DNHD1: variants seen among roughly 807,000 people sequenced by gnomAD.
DNHD1 encodes the protein dynein heavy chain domain-containing protein 1.
In DNHD1, 383 loss-of-function variants were observed where a neutral mutation model predicts 458.1. The ratio of observed to expected loss-of-function variants is 0.84; its 90% CI spans 0.77 to 0.91. The LOEUF is 0.91. DNHD1 is among the 40% of genes least tolerant of loss of function. DNHD1 has a pLI of 0.00. For synonymous variants in DNHD1, 2,203 were observed against 2,376.9 expected (o/e 0.93, Z 2.13); for missense variants, 5,336 against 5,866.1 (o/e 0.91, Z 2.95).
chr11:6,513,906 C>T (rs531765067), intron 7 of DNHD1, among the ~76,000 whole-genome samples: 12 of 151,874 alleles, frequency 7.9e-5, no homozygotes, highest in African/African-American at 2.9e-4. Context: ...TGCAATGGTG[C>T]AATCTTGGCT....
intron 10 of DNHD1, chr11:6,520,942 C>T (rs757615266): frequency 1.1e-5 from 10 of 920,944 alleles, no homozygotes; most frequent in Middle Eastern, 5.6e-4. Context: ...AAAGACATAA[C>T]GTTAATTTTA....
chr11:6,520,179 T>G (rs554735967), intron 9 of DNHD1, 59 bp from the exon 10 acceptor site: 1 of 1,604,806 alleles, frequency 6.2e-7, no homozygotes. Flanking sequence ...GCTCACAACC[T>G]GGTTTGAATC....
chr11:6,500,608 T>A (rs7115009), intron 3 of DNHD1, among the ~76,000 whole-genome samples: 1 of 152,194 alleles, frequency 6.6e-6, no homozygotes, highest in Non-Finnish European at 1.5e-5. Context: ...TGAATTGGCA[T>A]GGGCTGAGAT....
At chr11:6,540,639 C>T (rs1853079198) in intron 18 of DNHD1, among the ~76,000 whole-genome samples, 1 of 152,134 alleles carries the variant, frequency 6.6e-6, no homozygotes, top group Non-Finnish European at 1.5e-5. Flanking sequence ...CTCAAAGAAC[C>T]AGAGAGAGAA....
intron 7 of DNHD1, among the ~76,000 whole-genome samples, chr11:6,513,246 C>A (rs1202327506): frequency 6.6e-6 from 1 of 152,134 alleles, no homozygotes; most frequent in Non-Finnish European, 1.5e-5. Flanking sequence ...ATACAGTAGA[C>A]AAATTTTAAC....
intron 3 of DNHD1, among the ~76,000 whole-genome samples, chr11:6,501,130 C>G (rs1441406739): frequency 2.0e-5 from 3 of 151,942 alleles, no homozygotes; most frequent in Non-Finnish European, 4.4e-5. Context: ...GATGTAGTAA[C>G]AAGGAAGAGG....
rs1239024874 is a variant in DNHD1, at chr11:6,498,012, C to T, written c.-204C>T. On this transcript the variant is annotated 5_prime_UTR_variant, in exon 3 of 43. Coordinates refer to ENST00000254579, the MANE Select transcript of DNHD1 (RefSeq NM_144666.3). ...GTCTGGCTCTGCTCTGTAGCTCCAT[C>T]TATTTCCCTGTCCCAGGTCCTTTCT... 4 of 678,140 alleles carry T rather than the reference C, an allele frequency of 5.9e-6. No individual in the cohort carries two copies. The African/African-American group carries it at 7.2e-5, about 12-fold the overall frequency. The allele number at this position is 678,140 out of a possible 1,614,324, so 42.0% of individuals were successfully genotyped here.
chr11:6,503,031 T>A lies in DNHD1; in HGVS notation c.920+105T>A, dbSNP rs1852169302. On this transcript the variant is annotated intron_variant, in intron 4 of 42. Transcript: ENST00000254579. The stretch of plus-strand genomic sequence containing the variant: ...CGTGCGCACCCTTCTCCCTGTCCTT[T>A]CTCCACATACTCCTCCTCTGACTCT... The A allele has an allele frequency of 3.2e-6, 4 of 1,263,656 alleles. No individual in the cohort carries two copies. In the Admixed American group the frequency reaches 1.1e-4, roughly 34 times the overall value. The allele number at this position is 1,263,656 out of a possible 1,614,324, so 78.3% of individuals were successfully genotyped here. A position where few individuals can be genotyped will look rare whatever the true frequency, so the allele number is the denominator to read the frequency against.
Position 6,547,495 on chromosome 11 carries a change from G to A in DNHD1, c.6556G>A (p.Val2186Met), listed in dbSNP as rs571753444. The A allele has an allele frequency of 6.4e-6, 10 of 1,550,986 alleles. No individual in the cohort carries two copies. In the South Asian group the frequency reaches 1.1e-4, roughly 17 times the overall value. The change falls in exon 21 of 43, where the codon GTG (valine) becomes ATG (methionine). Residue 2186 changes from valine to methionine, a missense_variant. By Grantham distance (21) the Val-to-Met change is conservative. Coordinates refer to ENST00000254579, the MANE Select transcript of DNHD1 (RefSeq NM_144666.3). ...AELNHMAEVL[V>M]PATLRFLTCQ... ...GCTCAACCACATGGCTGAGGTTCTG[G>A]TGCCTGCAACATTGCGATTCCTCAC... is the stretch of plus-strand genomic sequence containing the variant.
intron 28 of DNHD1, 66 bp from the exon 29 acceptor site, chr11:6,562,916 G>C: frequency 1.3e-6 from 2 of 1,505,158 alleles, no homozygotes; most frequent in Non-Finnish European, 1.8e-6. Flanking sequence ...CAGGATCATA[G>C]GGTCTTCTGG....
intron 31 of DNHD1, 78 bp downstream of exon 31, chr11:6,564,202 C>A (rs1853645708): frequency 6.8e-7 from 1 of 1,481,192 alleles, no homozygotes. Context: ...GCCCTCACTG[C>A]CTCCCTCTGT....
At position 6,545,092 on chromosome 11, in the gene DNHD1, C is replaced by T. The variant is rs756085486; in HGVS notation, c.4153C>T (p.Arg1385Ter). ...ATCATGCGAAGCCCAGCTATGGGTA[C>T]GACGCTGCTTTCCTCATGTGCATGC... is the stretch of plus-strand genomic sequence containing the variant. ...LESCEAQLWV[R>*]RCFPHVHAVS... The change falls in exon 21 of 43, where the codon CGA becomes TGA. Residue 1385 changes from arginine (R) to a stop codon, truncating the protein, a stop_gained. Transcript: ENST00000254579. LOFTEE classifies it high-confidence loss of function. The surrounding 1 kb of genome is among the most constrained non-coding windows in gnomAD (Gnocchi z 4.9). 23 of 1,551,882 alleles carry T rather than the reference C, an allele frequency of 1.5e-5. No homozygotes were observed. Among genetic ancestry groups the T allele is most frequent in the Middle Eastern group, 1.7e-4 (1 of 6,018 alleles).
Position 6,558,913 on chromosome 11 carries a change from T to A in DNHD1, c.9223T>A (p.Tyr3075Asn), listed in dbSNP as rs751316398. ...SVPLDDGSWK[Y>N]PDLQASIPSV... The stretch of plus-strand genomic sequence containing the variant: ...CATGCCCATTGCAGGCTCCTGGAAG[T>A]ACCCAGACCTCCAGGCCTCAATTCC... The change falls in exon 27 of 43, where the codon TAC becomes AAC. Residue 3075 changes from tyrosine to asparagine, a missense_variant. Transcript: ENST00000254579. 1 of 1,551,674 alleles carries A rather than the reference T, an allele frequency of 6.4e-7. No individual in the cohort carries two copies. Among genetic ancestry groups the A allele is most frequent in the South Asian group, 1.2e-5 (1 of 84,064 alleles).
At chr11:6,544,414 G>T (rs1853162405) in intron 19 of DNHD1, among the ~76,000 whole-genome samples, 160 bp from the exon 20 acceptor site, 2 of 152,192 alleles carry the variant, frequency 1.3e-5, no homozygotes, top group African/African-American at 4.8e-5. Flanking sequence ...TATTCACAGT[G>T]AAAGTTTTTT....
At chr11:6,500,592 C>T (rs1791533902) in intron 3 of DNHD1, among the ~76,000 whole-genome samples, 1 of 152,204 alleles carries the variant, frequency 6.6e-6, no homozygotes, top group Non-Finnish European at 1.5e-5. Context: ...CCTGGGAGAA[C>T]TTGACTGAAT....
At chr11:6,537,556 T>A (rs571121681) in intron 14 of DNHD1, among the ~76,000 whole-genome samples, 102 of 143,008 alleles carry the variant, frequency 7.1e-4, no homozygotes, top group African/African-American at 2.4e-3. Context: ...AAAAAAAAAA[T>A]AGAACAGAGT....
intron 24 of DNHD1, among the ~76,000 whole-genome samples, chr11:6,551,015 C>G (rs548811838): frequency 7.0e-4 from 107 of 152,284 alleles, no homozygotes; most frequent in African/African-American, 2.5e-3. Context: ...CTGACATTTA[C>G]AAAACATTAT....
At chr11:6,556,169 T>C (rs1589891047) in intron 24 of DNHD1, among the ~76,000 whole-genome samples, 1 of 152,108 alleles carries the variant, frequency 6.6e-6, no homozygotes. Flanking sequence ...AGAAACAAGG[T>C]CTTGCTATGT....
intron 12 of DNHD1, among the ~76,000 whole-genome samples, chr11:6,529,382 C>A (rs1212077880): frequency 3.3e-5 from 5 of 152,176 alleles, no homozygotes; most frequent in African/African-American, 1.2e-4. Flanking sequence ...GGCTACTAAG[C>A]TCAGTGTCTT....
Sources: allele counts gnomAD v4.1 joint callset (sites outside exome capture counted in the v4.1 genomes callset), GRCh38; gene constraint gnomAD v4.1.1; non-coding constraint Gnocchi (gnomAD v3.1); transcripts MANE v1.5; gene names NCBI Gene and HGNC (gene_info 2026-07-23, HGNC 2026-07-21).